The following PCDHGA3 variants were observed in gnomAD, a reference collection of about 807,000 sequenced individuals.
The protein encoded by PCDHGA3 is protocadherin gamma-A3.
Under a neutral mutation model 58.5 loss-of-function variants are expected in PCDHGA3, and 40 were observed. That is an observed-to-expected ratio of 0.68 (90% CI 0.53 to 0.89). PCDHGA3 has a LOEUF of 0.89. Among genes scored for constraint, PCDHGA3 ranks in the 40% least tolerant of loss-of-function variants. The pLI, the probability that PCDHGA3 is intolerant of heterozygous loss-of-function variation, is 0.00. For synonymous variants in PCDHGA3, 530 were observed against 525.7 expected (o/e 1.01, Z -0.11); for missense variants, 1,223 against 1,195.9 (o/e 1.02, Z -0.33).
intron 1 of PCDHGA3, chr5:141,384,094 G>T: frequency 6.3e-7 from 1 of 1,596,384 alleles, no homozygotes. Flanking sequence ...AAAATCAATA[G>T]ATAATTATTA....
intron 1 of PCDHGA3, chr5:141,418,910 T>C: frequency 6.2e-7 from 1 of 1,613,936 alleles, no homozygotes; most frequent in East Asian, 2.2e-5. Flanking sequence ...AATCATCACG[T>C]CACTCTCTGA....
chr5:141,486,644 T>G lies in PCDHGA3; in HGVS notation c.2425-8163T>G, dbSNP rs765487821. ...AGACTCTGGCTTGAATGCGCTTATC[T>G]CCTACTCACTCCTGGAGCCCAGGAA... On this transcript the variant is annotated intron_variant, in intron 1 of 3. Transcript: ENST00000253812. This position sits in a 1 kb window ranked among gnomAD's most constrained non-coding sequence, Gnocchi z 5.0. 9.3e-6 allele frequency: 15 copies of G among 1,613,722 alleles called. 2 individuals carry two copies. The Middle Eastern group carries it at 6.6e-4, about 71-fold the overall frequency.
Position 141,489,400 on chromosome 5 carries a change from T to A in PCDHGA3, c.2425-5407T>A. 6.2e-7 allele frequency: 1 copy of A among 1,614,134 alleles called. No individual in the cohort carries two copies. Among genetic ancestry groups the A allele is most frequent in the Non-Finnish European group, 8.5e-7 (1 of 1,180,020 alleles). On this transcript the variant is annotated intron_variant, in intron 1 of 3. Transcript: ENST00000253812. This position sits in a 1 kb window ranked among gnomAD's most constrained non-coding sequence, Gnocchi z 4.5. ...GGGGAATGTTGCTCAGGATCTGGGC[T>A]TAAAGATGACAGATCTGTTGAGCCG...
At chr5:141,369,412 A>G (rs1250548281) in intron 1 of PCDHGA3, among the ~76,000 whole-genome samples, 1 of 152,168 alleles carries the variant, frequency 6.6e-6, no homozygotes, top group Non-Finnish European at 1.5e-5. Context: ...CATGACTATA[A>G]TCCCAGCAAT....
At chr5:141,462,542 T>C (rs910054469) in intron 1 of PCDHGA3, among the ~76,000 whole-genome samples, 1 of 152,222 alleles carries the variant, frequency 6.6e-6, no homozygotes, top group Non-Finnish European at 1.5e-5. Flanking sequence ...AGTGATCTTT[T>C]CTTCTTCAGT....
chr5:141,454,956 G>A (rs62379171), intron 1 of PCDHGA3, among the ~76,000 whole-genome samples: 5,077 of 149,940 alleles, frequency 0.034, 97 homozygotes, highest in Middle Eastern at 0.091. Context: ...TACAGGCGCC[G>A]GCCACCACGC....
rs531773756 is a variant in PCDHGA3 at position 141,417,037 on chromosome 5, TTA to T, written c.2424+70581_2424+70582del. On this transcript the variant is annotated intron_variant, in intron 1 of 3. Coordinates refer to ENST00000253812, the MANE Select transcript of PCDHGA3 (RefSeq NM_018916.4). ...ATTTTGAAAAATACAGGTTTTTTTT[TTA>T]AAAAAAACTGCTCTTGACATTGTAG... 5.9e-5 allele frequency: 9 copies of T among 151,574 alleles called. 1 individual carries two copies. Among genetic ancestry groups the T allele is most frequent in the Admixed American group, 2.0e-4 (3 of 15,204 alleles). The allele number at this position is 151,574 out of a possible 1,614,324, so 9.4% of individuals were successfully genotyped here.
At chr5:141,352,616 T>G in intron 1 of PCDHGA3, 1 of 1,613,310 alleles carries the variant, frequency 6.2e-7, no homozygotes, top group Non-Finnish European at 8.5e-7. Flanking sequence ...TATGGTTGTA[T>G]GTGCCAGTAA....
chr5:141,400,058 ATGG>A (rs2093953327), intron 1 of PCDHGA3: 1 of 1,613,570 alleles, frequency 6.2e-7, no homozygotes, highest in Admixed American at 1.7e-5. Flanking sequence ...GCTGTGCGTG[ATGG>A]TGGACAGCCG....
rs1317150359 is a variant in PCDHGA3 at position 141,420,381 on chromosome 5, G to A, written c.2424+73924G>A. On this transcript the variant is annotated intron_variant, in intron 1 of 3. Transcript: ENST00000253812. ...TCTAGATAACTTCTTCATAGAGTTC[G>A]CAAAATATAGGTCAAATTTATGGTT... The A allele has an allele frequency of 1.1e-5, 14 of 1,298,362 alleles. No homozygotes were observed. In the Admixed American group the frequency reaches 1.3e-4, roughly 13 times the overall value. The allele number at this position is 1,298,362 out of a possible 1,614,324, so 80.4% of individuals were successfully genotyped here.
At chr5:141,492,009 G>C in intron 1 of PCDHGA3, 1 of 617,702 alleles carries the variant, frequency 1.6e-6, no homozygotes, top group Non-Finnish European at 2.7e-6. Flanking sequence ...GATTTCCGCG[G>C]GTGTCGGGGG....
rs1024041994 is a variant in PCDHGA3 at position 141,409,578 on chromosome 5, T to C, written c.2424+63121T>C. The C allele has an allele frequency of 3.1e-6, 5 of 1,613,824 alleles. No individual in the cohort carries two copies. In the Admixed American group the frequency reaches 6.7e-5, roughly 22 times the overall value. On this transcript the variant is annotated intron_variant, in intron 1 of 3. Coordinates refer to ENST00000253812, the MANE Select transcript of PCDHGA3 (RefSeq NM_018916.4). Reference sequence around the variant, plus strand: ...GTTTTCGACCAGACGTCCTACGTGGTCCACGTGGCCGAGAACAACCCGCCA... The same window carrying C: ...GTTTTCGACCAGACGTCCTACGTGGCCCACGTGGCCGAGAACAACCCGCCA...
chr5:141,459,105 T>C (rs904382532), intron 1 of PCDHGA3, among the ~76,000 whole-genome samples: 7 of 152,208 alleles, frequency 4.6e-5, no homozygotes, highest in Non-Finnish European at 7.4e-5. Flanking sequence ...GCAATGCATT[T>C]TGACAATTGT....
Position 141,432,604 on chromosome 5 carries a change from A to T in PCDHGA3, c.2425-62203A>T, listed in dbSNP as rs774164351. ...GTCTGCTCAAGGCCAGCGAGCCGGG[A>T]CTCTTCTCGGTGGGTCTGCACACGG... On this transcript the variant is annotated intron_variant, in intron 1 of 3. Coordinates refer to ENST00000253812, the MANE Select transcript of PCDHGA3 (RefSeq NM_018916.4). The surrounding 1 kb of genome is among the most constrained non-coding windows in gnomAD (Gnocchi z 6.0). 1.2e-6 allele frequency: 2 copies of T among 1,610,530 alleles called. No homozygotes were observed. The highest frequency in any genetic ancestry group is 1.7e-6 in the Non-Finnish European group (2 of 1,179,274).
At chr5:141,385,013 T>C (rs1588986326) in intron 1 of PCDHGA3, 1 of 1,614,162 alleles carries the variant, frequency 6.2e-7, no homozygotes, top group Non-Finnish European at 8.5e-7. Context: ...TGCGTCTTCC[T>C]AGCCTTCGTC....
chr5:141,411,184 G>A (rs1478666914), intron 1 of PCDHGA3: 1 of 152,108 alleles, frequency 6.6e-6, no homozygotes, highest in Admixed American at 6.6e-5. Context: ...AGTGGTCTTG[G>A]CATCTAAGAA....
At chr5:141,404,780 A>G (rs746373854) in intron 1 of PCDHGA3, 2 of 1,612,764 alleles carry the variant, frequency 1.2e-6, no homozygotes, top group African/African-American at 1.3e-5. Flanking sequence ...CCGCCTATTC[A>G]AGGCCAGTGA....
At chr5:141,371,007 C>A in intron 1 of PCDHGA3, 1 of 1,613,962 alleles carries the variant, frequency 6.2e-7, no homozygotes, top group South Asian at 1.1e-5. Flanking sequence ...CAGGGAAGAG[C>A]AGCCACATCA....
At position 141,512,045 on chromosome 5, in the gene PCDHGA3, C is replaced by T. The variant is rs568357347; in HGVS notation, c.*872C>T. On this transcript the variant is annotated 3_prime_UTR_variant, in exon 4 of 4. Transcript: ENST00000253812. ...GGCCTTGGAGGAGGCTCTGTATGTC[C>T]TCAGGGGACTGACAACATCCTCCAG... The T allele has an allele frequency of 1.5e-3, 224 of 152,846 alleles. 2 individuals are homozygous for T. The highest frequency in any genetic ancestry group is 4.6e-4 in the Non-Finnish European group (31 of 68,130). The allele number at this position is 152,846 out of a possible 1,614,324, so 9.5% of individuals were successfully genotyped here. A position where few individuals can be genotyped will look rare whatever the true frequency, so the allele number is the denominator to read the frequency against.
Sources: allele counts gnomAD v4.1 joint callset (sites outside exome capture counted in the v4.1 genomes callset), GRCh38; gene constraint gnomAD v4.1.1; non-coding constraint Gnocchi (gnomAD v3.1); transcripts MANE v1.5; gene names NCBI Gene and HGNC (gene_info 2026-07-23, HGNC 2026-07-21).